The following AK9 variants were observed in gnomAD, a reference collection of about 807,000 sequenced individuals.
AK9 encodes adenylate kinase domain containing 1.
AK9 carries 191 observed loss-of-function variants against 239.6 expected under a neutral mutation model. The observed-to-expected ratio is 0.80, with a 90% CI of 0.71 to 0.90. AK9 has a LOEUF of 0.90. AK9 is among the 40% of genes least tolerant of loss of function. The pLI, the probability that AK9 is intolerant of heterozygous loss-of-function variation, is 0.00. For synonymous variants in AK9, 689 were observed against 721.0 expected (o/e 0.96, Z 0.71); for missense variants, 1,995 against 2,214.7 (o/e 0.90, Z 1.99).
chr6:109,497,741 C>T lies in AK9; in HGVS notation c.5216+55G>A, dbSNP rs75512843. 0.012 allele frequency: 18,546 copies of T among 1,562,936 alleles called. 121 individuals are homozygous for T. Among genetic ancestry groups the T allele is most frequent in the South Asian group, 0.016 (1,332 of 85,090 alleles). On this transcript the variant is annotated intron_variant, in intron 37 of 40. Transcript: ENST00000424296. ...CAATATGTTAAGATTATTACATGAA[C>T]CACTTCTTTGGCGTAGCAATATCAT...
chr6:109,610,172 T>C (rs1225484988), intron 17 of AK9, among the ~76,000 whole-genome samples, 193 bp downstream of exon 17: 1 of 152,120 alleles, frequency 6.6e-6, no homozygotes, highest in Non-Finnish European at 1.5e-5. Context: ...TAATTGAAAA[T>C]TTACCAAAGA....
At chr6:109,559,447 G>A (rs974441046) in intron 24 of AK9, among the ~76,000 whole-genome samples, 3 of 152,208 alleles carry the variant, frequency 2.0e-5, no homozygotes, top group East Asian at 1.9e-4. Context: ...GATTACAGGC[G>A]TGAGCCACTG....
intron 1 of AK9, among the ~76,000 whole-genome samples, chr6:109,684,806 A>G (rs59462204): frequency 0.44 from 56,828 of 129,604 alleles, 12,878 homozygotes; most frequent in African/African-American, 0.64. Flanking sequence ...CCCGGGAGGC[A>G]GAGCTTGCAG....
At chr6:109,535,023 G>C (rs1781791060) in intron 27 of AK9, among the ~76,000 whole-genome samples, 1 of 152,148 alleles carries the variant, frequency 6.6e-6, no homozygotes, top group Non-Finnish European at 1.5e-5. Flanking sequence ...CATTTGGTTT[G>C]GTTCCAAGTC....
chr6:109,594,782 G>A (rs1176741758), intron 17 of AK9, among the ~76,000 whole-genome samples: 4 of 152,122 alleles, frequency 2.6e-5, no homozygotes, highest in South Asian at 2.1e-4. Context: ...TTTAATAAAC[G>A]CTGTTGGGAA....
At chr6:109,561,057 G>A (rs1223823149) in intron 24 of AK9, among the ~76,000 whole-genome samples, 2 of 151,850 alleles carry the variant, frequency 1.3e-5, no homozygotes, top group East Asian at 3.9e-4. Flanking sequence ...AGGTTCAAGC[G>A]ATTCTCCTGC....
chr6:109,591,367 T>C (rs1018218659), intron 17 of AK9, among the ~76,000 whole-genome samples: 1 of 152,182 alleles, frequency 6.6e-6, no homozygotes, highest in Admixed American at 6.5e-5. Context: ...TCCATCTGTA[T>C]GGAATATCTT....
intron 24 of AK9, among the ~76,000 whole-genome samples, chr6:109,556,691 G>A (rs1370786730): frequency 1.3e-5 from 2 of 151,858 alleles, no homozygotes; most frequent in African/African-American, 4.8e-5. Context: ...TTTCTTGGAG[G>A]CTTTGTTCAT....
At chr6:109,534,043 C>T (rs900096963) in intron 27 of AK9, among the ~76,000 whole-genome samples, 1 of 151,940 alleles carries the variant, frequency 6.6e-6, no homozygotes, top group African/African-American at 2.4e-5. Context: ...TCATACCCAC[C>T]TCCCTGGGTC....
At chr6:109,601,685 A>G (rs1016240781) in intron 17 of AK9, among the ~76,000 whole-genome samples, 1 of 152,112 alleles carries the variant, frequency 6.6e-6, no homozygotes, top group Non-Finnish European at 1.5e-5. Flanking sequence ...GGGGTGTTAA[A>G]GTCTCTCATT....
chr6:109,682,435 A>AAAAAAAAAAAG, intron 1 of AK9, among the ~76,000 whole-genome samples: 1 of 151,110 alleles, frequency 6.6e-6, no homozygotes, highest in African/African-American at 2.4e-5. Context: ...TCAAAAAAAA[A>AAAAAAAAAAAG]AAAAAAAAAT....
chr6:109,514,519 T>C, intron 31 of AK9, 82 bp from the exon 32 acceptor site: 1 of 1,235,424 alleles, frequency 8.1e-7, no homozygotes, highest in South Asian at 1.6e-5. Context: ...AAAAAACAAT[T>C]CGTGACATAA....
At chr6:109,559,050 G>A (rs1331336848) in intron 24 of AK9, among the ~76,000 whole-genome samples, 1 of 151,608 alleles carries the variant, frequency 6.6e-6, no homozygotes, top group African/African-American at 2.4e-5. Flanking sequence ...GGGGGGGTTC[G>A]CCATGTTGGC....
intron 38 of AK9, among the ~76,000 whole-genome samples, chr6:109,496,243 G>T (rs1777023087): frequency 1.3e-5 from 2 of 152,164 alleles, no homozygotes; most frequent in South Asian, 4.1e-4. Flanking sequence ...AGCAGTAGAT[G>T]GGCAGCTCTG....
intron 1 of AK9, among the ~76,000 whole-genome samples, chr6:109,682,657 G>A (rs1166130704): frequency 6.6e-6 from 1 of 152,012 alleles, no homozygotes; most frequent in Non-Finnish European, 1.5e-5. Flanking sequence ...AGAAGAAATG[G>A]ATAAATACCT....
At chr6:109,589,612 C>A (rs568414823) in intron 17 of AK9, among the ~76,000 whole-genome samples, 1 of 152,186 alleles carries the variant, frequency 6.6e-6, no homozygotes, top group South Asian at 2.1e-4. Flanking sequence ...CTATGTTGAA[C>A]AGCAGTGGTG....
At chr6:109,669,399 G>A (rs953814243) in intron 5 of AK9, among the ~76,000 whole-genome samples, 1 of 151,882 alleles carries the variant, frequency 6.6e-6, no homozygotes, top group Non-Finnish European at 1.5e-5. Context: ...CTGCCTGACT[G>A]CCCTGGCCAG....
At chr6:109,627,786 G>A (rs920274578) in intron 12 of AK9, among the ~76,000 whole-genome samples, 1 of 152,044 alleles carries the variant, frequency 6.6e-6, no homozygotes, top group African/African-American at 2.4e-5. Context: ...CCGAATAGCT[G>A]GGATTACACA....
Position 109,687,243 on chromosome 6 carries a change from C to T in AK9, c.-12+3904G>A, listed in dbSNP as rs116493454. Among the ~76,000 whole-genome samples, 595 of 152,184 alleles carry T rather than the reference C, an allele frequency of 3.9e-3. 4 individuals are homozygous for T. The highest frequency in any genetic ancestry group is 0.014 in the African/African-American group (579 of 41,512). On this transcript the variant is annotated intron_variant, in intron 1 of 40. Transcript: ENST00000424296. ...GGTTTCATCAAGGGCCTAGAAGGTACAAGATCAGAAGGTAAGAGAAAAAGA... is the reference window on the plus strand; with the variant it reads ...GGTTTCATCAAGGGCCTAGAAGGTATAAGATCAGAAGGTAAGAGAAAAAGA...
Sources: gnomAD v4.1 joint callset for allele counts (sites outside exome capture counted in the v4.1 genomes callset) on GRCh38, gnomAD v4.1.1 for gene constraint, MANE v1.5 for transcripts, NCBI Gene and HGNC (gene_info 2026-07-23, HGNC 2026-07-21) for gene names.